IL21R: variants seen among roughly 807,000 people sequenced by gnomAD.
IL21R encodes interleukin-21 receptor.
IL21R carries 14 observed loss-of-function variants against 41.3 expected under a neutral mutation model. That is an observed-to-expected ratio of 0.34 (90% CI 0.22 to 0.53). IL21R has a LOEUF of 0.53. IL21R is among the 20% of genes least tolerant of loss of function. The pLI is 0.94. For missense variants in IL21R, 588 were observed against 681.6 expected, an observed-to-expected ratio of 0.86 and a Z score of 1.53; for synonymous variants, 286 against 287.6, an observed-to-expected ratio of 0.99 and a Z score of 0.05.
intron 1 of IL21R, among the ~76,000 whole-genome samples, chr16:27,405,513 G>T (rs7206666): frequency 0.34 from 51,839 of 151,998 alleles, 9,408 homozygotes; most frequent in East Asian, 0.6. Context: ...CAGGGTGGGG[G>T]TTTTTCTAGG....
intron 4 of IL21R, among the ~76,000 whole-genome samples, chr16:27,440,248 T>TATATATATATATATATAGAGAGAGAG (rs1352160946): frequency 6.2e-5 from 4 of 64,040 alleles, no homozygotes; most frequent in African/African-American, 1.8e-4. Flanking sequence ...TATATATATA[T>TATATATATATATATATAGAGAGAGAG]AGAGAGAGAG....
intron 8 of IL21R, among the ~76,000 whole-genome samples, chr16:27,447,184 T>G (rs1056473235): frequency 6.6e-6 from 1 of 152,128 alleles, no homozygotes; most frequent in Non-Finnish European, 1.5e-5. Context: ...AAAGCTCAAA[T>G]ATCACATTGA....
intron 8 of IL21R, among the ~76,000 whole-genome samples, chr16:27,446,773 C>T (rs1348929487): frequency 6.6e-6 from 1 of 152,014 alleles, no homozygotes; most frequent in Non-Finnish European, 1.5e-5. Flanking sequence ...AGAGCCTGGC[C>T]CACGGGGCAA....
intron 1 of IL21R, among the ~76,000 whole-genome samples, chr16:27,409,324 T>C (rs2141258422): frequency 6.7e-6 from 1 of 150,266 alleles, no homozygotes; most frequent in Admixed American, 6.6e-5. Context: ...TTCAGTTTCT[T>C]TTCCATTCTC....
At position 27,448,742 on chromosome 16, in the gene IL21R, G is replaced by A. The variant is rs551751922; in HGVS notation, c.1076G>A (p.Gly359Glu). The A allele has an allele frequency of 6.2e-7, 1 of 1,613,544 alleles. No homozygotes were observed. The highest frequency in any genetic ancestry group is 1.7e-5 in the Admixed American group (1 of 60,030). The change falls in exon 9 of 9, where the codon GGG becomes GAG. Residue 359 changes from glycine to glutamate, a missense_variant. Physicochemically the swap from Gly to Glu is moderately conservative, Grantham distance 98 (BLOSUM62 -2). Coordinates refer to ENST00000337929, the MANE Select transcript of IL21R (RefSeq NM_181078.3). Reference protein sequence around the residue: ...PSFWPTAQNSGGSAYSEERDR... With the variant: ...PSFWPTAQNSEGSAYSEERDR... ...TTCTGGCCGACAGCCCAGAACTCGG[G>A]GGGCTCAGCTTACAGTGAGGAGAGG... is the stretch of plus-strand genomic sequence containing the variant.
chr16:27,411,179 G>C (rs914970818), intron 1 of IL21R, among the ~76,000 whole-genome samples: 3 of 151,806 alleles, frequency 2.0e-5, no homozygotes, highest in African/African-American at 7.3e-5. Flanking sequence ...TATATGTCTG[G>C]TATTTCTATT....
Position 27,444,686 on chromosome 16 carries a change from A to G in IL21R, c.652A>G (p.Ser218Gly). 1.3e-6 allele frequency: 2 copies of G among 1,536,722 alleles called. No individual in the cohort carries two copies. Among genetic ancestry groups the G allele is most frequent in the Non-Finnish European group, 1.8e-6 (2 of 1,142,024 alleles). Residue 218 changes from serine (S) to glycine (G), a missense_variant, in exon 6 of 9, where the codon AGT (serine) becomes GGT (glycine). Transcript: ENST00000337929. ...SSYQGTWSEW[S>G]DPVIFQTQSE... ...CTACCAGGGGACCTGGAGTGAATGG[A>G]GTGACCCGGTCATCTTTCAGACCCA...
chr16:27,410,332 C>CA (rs55702735), intron 1 of IL21R, among the ~76,000 whole-genome samples: 344 of 103,392 alleles, frequency 3.3e-3, no homozygotes, highest in African/African-American at 6.1e-3. Flanking sequence ...GACTCCATCT[C>CA]AAAAAAAAAA....
chr16:27,442,598 G>A (rs972214468), intron 4 of IL21R: 6 of 156,702 alleles, frequency 3.8e-5, no homozygotes, highest in East Asian at 3.7e-4. Flanking sequence ...TCCTGACCTC[G>A]TGACCCACCT....
rs184147294 is a variant in IL21R, at chr16:27,418,071, G to T, written c.-16-11985G>T. Among the ~76,000 whole-genome samples, 130 of 55,644 alleles carry T rather than the reference G, an allele frequency of 2.3e-3. No homozygotes were observed. In the East Asian group the frequency reaches 0.027, roughly 12 times the overall value. The allele number at this position is 55,644 out of a possible 152,430, so 36.5% of individuals were successfully genotyped here. A position where few individuals can be genotyped will look rare whatever the true frequency, so the allele number is the denominator to read the frequency against. ...TTTTATTTTATTTTATTTTATTTAT[G>T]TTATTTTATTTTATTTAAGACGGAG... On this transcript the variant is annotated intron_variant, in intron 1 of 8. Coordinates refer to ENST00000337929, the MANE Select transcript of IL21R (RefSeq NM_181078.3).
At chr16:27,446,636 T>C (rs556937048) in intron 8 of IL21R, among the ~76,000 whole-genome samples, 3 of 151,866 alleles carry the variant, frequency 2.0e-5, no homozygotes, top group African/African-American at 7.2e-5. Context: ...TAATGCAGCA[T>C]TGGCCCAGCC....
intron 6 of IL21R, 37 bp from the exon 7 acceptor site, chr16:27,445,140 T>C: frequency 1.4e-6 from 2 of 1,468,820 alleles, no homozygotes; most frequent in Middle Eastern, 1.7e-4. Context: ...TCTGGTAGAG[T>C]TGGTGCCATT....
rs774395214 is a variant in IL21R at position 27,411,956 on chromosome 16, C to T, written c.-17+9338C>T. Among the ~76,000 whole-genome samples, 146 of 152,274 alleles carry T rather than the reference C, an allele frequency of 9.6e-4. 6 individuals carry two copies. The highest frequency in any genetic ancestry group is 2.6e-4 in the Non-Finnish European group (18 of 68,010). ...TAAAGTTTGATGTAGTCTCATATGT[C>T]TATTTTTACTTTTGTTGCCTGTGCT... is the stretch of plus-strand genomic sequence containing the variant. On this transcript the variant is annotated intron_variant, in intron 1 of 8. Transcript: ENST00000337929.
At chr16:27,440,248 T>TATATATATATATATAGAGAGAGAGAGAG (rs1352160946) in intron 4 of IL21R, among the ~76,000 whole-genome samples, 15 of 64,030 alleles carry the variant, frequency 2.3e-4, no homozygotes, top group Non-Finnish European at 2.9e-4. Flanking sequence ...TATATATATA[T>TATATATATATATATAGAGAGAGAGAGAG]AGAGAGAGAG....
At chr16:27,432,540 C>T (rs1247487095) in intron 2 of IL21R, among the ~76,000 whole-genome samples, 1 of 152,180 alleles carries the variant, frequency 6.6e-6, no homozygotes, top group African/African-American at 2.4e-5. Context: ...CAAACCCTGT[C>T]CCTTGGTAGC....
At chr16:27,418,613 G>A (rs555600496) in intron 1 of IL21R, among the ~76,000 whole-genome samples, 3 of 152,178 alleles carry the variant, frequency 2.0e-5, no homozygotes, top group Admixed American at 6.5e-5. Context: ...CTCGTGATCT[G>A]CCCGCCTTGG....
intron 1 of IL21R, among the ~76,000 whole-genome samples, chr16:27,428,772 T>C (rs952373855): frequency 6.6e-6 from 1 of 152,250 alleles, no homozygotes; most frequent in Non-Finnish European, 1.5e-5. Context: ...AGGTTGTCTC[T>C]GTTTGGTCAG....
intron 2 of IL21R, among the ~76,000 whole-genome samples, chr16:27,433,118 G>A (rs1236836804): frequency 6.6e-6 from 1 of 152,150 alleles, no homozygotes; most frequent in Non-Finnish European, 1.5e-5. Context: ...CACCTCAGGG[G>A]TCTTCATTAG....
At chr16:27,436,564 T>C (rs1322976046) in intron 3 of IL21R, among the ~76,000 whole-genome samples, 1 of 152,230 alleles carries the variant, frequency 6.6e-6, no homozygotes, top group Non-Finnish European at 1.5e-5. Flanking sequence ...AGAGTGGTCA[T>C]GTTCAGATCC....
Sources: allele counts gnomAD v4.1 joint callset (sites outside exome capture counted in the v4.1 genomes callset), GRCh38; gene constraint gnomAD v4.1.1; transcripts MANE v1.5; gene names NCBI Gene and HGNC (gene_info 2026-07-23, HGNC 2026-07-21).